SYNE1: variants seen among roughly 807,000 people sequenced by gnomAD.
SYNE1 encodes the protein spectrin repeat containing nuclear envelope protein 1.
SYNE1 carries 616 observed loss-of-function variants against 1,111.0 expected under a neutral mutation model. The observed-to-expected ratio is 0.55, with a 90% CI of 0.52 to 0.59. SYNE1 has a LOEUF of 0.59. Ranked by LOEUF, SYNE1 falls within the 20% of genes least tolerant of loss-of-function variation. SYNE1 has a pLI of 0.00. For synonymous variants in SYNE1, 3,855 were observed against 3,825.8 expected (o/e 1.01, Z -0.28); for missense variants, 10,006 against 10,417.0 (o/e 0.96, Z 1.72).
intron 43 of SYNE1, 160 bp from the exon 44 acceptor site, chr6:152,409,386 G>T: frequency 9.1e-7 from 1 of 1,095,282 alleles, no homozygotes; most frequent in Non-Finnish European, 1.3e-6. Context: ...CCATTTTCTT[G>T]AATTGCTAGA....
At chr6:152,600,595 G>T (rs2099593832) in intron 3 of SYNE1, among the ~76,000 whole-genome samples, 1 of 152,076 alleles carries the variant, frequency 6.6e-6, no homozygotes, top group Admixed American at 6.6e-5. Flanking sequence ...GAAACAAATG[G>T]ATCTGCTGAA....
At chr6:152,333,926 C>T in intron 77 of SYNE1, 82 bp downstream of exon 77, 2 of 1,595,048 alleles carry the variant, frequency 1.3e-6, no homozygotes, top group Non-Finnish European at 1.7e-6. Context: ...AGCCACTGCA[C>T]CTGGGCACAT....
intron 59 of SYNE1, among the ~76,000 whole-genome samples, chr6:152,371,529 G>A (rs1413448974): frequency 1.4e-5 from 2 of 147,758 alleles, no homozygotes; most frequent in Non-Finnish European, 3.0e-5. Flanking sequence ...CCACAAAACA[G>A]GGCAAATGGG....
rs1462419986 is a variant in SYNE1, at chr6:152,325,116, C to A, written c.15625G>T (p.Ala5209Ser). The change falls in exon 81 of 146, where the codon GCA becomes TCA. Residue 5209 changes from alanine (A) to serine (S), a missense_variant. Transcript: ENST00000367255. ...TTAAAGCCCGTCCACTCATCCACTG[C>A]ATCTTCCAGGATCTTCTCCTGGTCC... The part of the protein sequence containing the change: ...AQDQEKILED[A>S]VDEWTGFNNK... 2.5e-6 allele frequency: 4 copies of A among 1,614,218 alleles called. No homozygotes were observed. The East Asian group carries it at 8.9e-5, about 36-fold the overall frequency.
At chr6:152,567,905 C>T (rs2099419872) in intron 3 of SYNE1, among the ~76,000 whole-genome samples, 2 of 151,936 alleles carry the variant, frequency 1.3e-5, no homozygotes, top group South Asian at 4.2e-4. Context: ...AAGAACACAC[C>T]ATAGAATGCA....
chr6:152,555,805 A>G (rs942861544), intron 3 of SYNE1, among the ~76,000 whole-genome samples: 2 of 152,204 alleles, frequency 1.3e-5, no homozygotes, highest in Non-Finnish European at 2.9e-5. Flanking sequence ...GATATATTTT[A>G]TATAAAACTT....
At chr6:152,253,823 T>TTTG (rs1302222523) in intron 104 of SYNE1, among the ~76,000 whole-genome samples, 1 of 53,334 alleles carries the variant, frequency 1.9e-5, no homozygotes, top group African/African-American at 1.6e-4. Flanking sequence ...GTTTGGTTTT[T>TTTG]TTTTTTTTTT....
chr6:152,240,714 G>A (rs2085429082), intron 107 of SYNE1, among the ~76,000 whole-genome samples: 1 of 152,144 alleles, frequency 6.6e-6, no homozygotes, highest in Non-Finnish European at 1.5e-5. Flanking sequence ...ATAACTCTAT[G>A]AGATAGGCAG....
chr6:152,328,105 AC>A (rs1207840122), intron 78 of SYNE1, among the ~76,000 whole-genome samples: 2 of 152,168 alleles, frequency 1.3e-5, no homozygotes, highest in Non-Finnish European at 2.9e-5. Context: ...AAGAAGATAA[AC>A]CTAATAAAAG....
At chr6:152,591,692 G>A (rs1356269132) in intron 3 of SYNE1, among the ~76,000 whole-genome samples, 1 of 152,096 alleles carries the variant, frequency 6.6e-6, no homozygotes, top group African/African-American at 2.4e-5. Context: ...TTTCTGCACA[G>A]CAAAAGAATC....
chr6:152,178,371 G>A (rs2067012208), intron 129 of SYNE1, among the ~76,000 whole-genome samples: 2 of 152,056 alleles, frequency 1.3e-5, no homozygotes, highest in South Asian at 4.1e-4. Context: ...CTTAGCAAAG[G>A]GCAACCGTGA....
chr6:152,425,189 G>T (rs1371613247), intron 39 of SYNE1, among the ~76,000 whole-genome samples, 192 bp downstream of exon 39: 2 of 152,090 alleles, frequency 1.3e-5, no homozygotes, highest in African/African-American at 4.8e-5. Flanking sequence ...ACTAAATTTT[G>T]TATTGGGATT....
At position 152,278,377 on chromosome 6, in the gene SYNE1, G is replaced by A. The variant is rs550791265; in HGVS notation, c.18382-97C>T. On this transcript the variant is annotated intron_variant, in intron 97 of 145. Coordinates refer to ENST00000367255, the MANE Select transcript of SYNE1 (RefSeq NM_182961.4). ...AATACAGCCCTTTGGAGTCTTTTAC[G>A]AAACGGACAGGCTTTCATGATTTTT... 1.1e-5 allele frequency: 15 copies of A among 1,382,272 alleles called. No homozygotes were observed. The Admixed American group carries it at 1.3e-4, about 12-fold the overall frequency. 85.6% of individuals were successfully genotyped at this position (1,382,272 alleles called of 1,614,324 possible). A position where few individuals can be genotyped will look rare whatever the true frequency, so the allele number is the denominator to read the frequency against.
At chr6:152,491,320 CA>C (rs1326121623) in intron 11 of SYNE1, among the ~76,000 whole-genome samples, 2 of 152,078 alleles carry the variant, frequency 1.3e-5, no homozygotes, top group African/African-American at 2.4e-5. Flanking sequence ...CCCTTGGTGG[CA>C]AATCAATTGT....
Position 152,239,436 on chromosome 6 carries a change from T to C in SYNE1, c.20067+97A>G, listed in dbSNP as rs116413345. On this transcript the variant is annotated intron_variant, in intron 108 of 145. Coordinates refer to ENST00000367255, the MANE Select transcript of SYNE1 (RefSeq NM_182961.4). Reference sequence around the variant, plus strand: ...GAGAGCGCAGCTAGTTCTGAGGTTATGTGAGGCAAACTGCATGGATAGATA... The same window carrying C: ...GAGAGCGCAGCTAGTTCTGAGGTTACGTGAGGCAAACTGCATGGATAGATA... 3.1e-3 allele frequency: 4,577 copies of C among 1,477,350 alleles called. 101 individuals are homozygous for C. In the African/African-American group the frequency reaches 0.053, roughly 17 times the overall value. 91.5% of individuals were successfully genotyped at this position (1,477,350 alleles called of 1,614,324 possible).
At chr6:152,388,677 C>A (rs1481008537) in intron 53 of SYNE1, among the ~76,000 whole-genome samples, 1 of 152,128 alleles carries the variant, frequency 6.6e-6, no homozygotes, top group Non-Finnish European at 1.5e-5. Context: ...ACATCCTGTG[C>A]TGGTGTCTGA....
Position 152,321,719 on chromosome 6 carries a change from A to C in SYNE1, c.16083+2T>G. 6.2e-7 allele frequency: 1 copy of C among 1,614,042 alleles called. No individual in the cohort carries two copies. Among genetic ancestry groups the C allele is most frequent in the Non-Finnish European group, 8.5e-7 (1 of 1,179,940 alleles). ...AAAGAGAATGAGGAGACTTTTTTGTACCTGAAGTTCTTCAAGTTGAGCATC... is the reference window on the plus strand; with the variant it reads ...AAAGAGAATGAGGAGACTTTTTTGTCCCTGAAGTTCTTCAAGTTGAGCATC... On this transcript the variant is annotated splice_donor_variant, in intron 83 of 145. Coordinates refer to ENST00000367255, the MANE Select transcript of SYNE1 (RefSeq NM_182961.4). LOFTEE classifies it high-confidence loss of function.
intron 3 of SYNE1, among the ~76,000 whole-genome samples, chr6:152,563,075 CAGAAAG>C (rs1443342605): frequency 6.6e-6 from 1 of 151,870 alleles, no homozygotes; most frequent in Non-Finnish European, 1.5e-5. Flanking sequence ...CACACACACA[CAGAAAG>C]AGAAAGAGAC....
At chr6:152,308,691 G>T in intron 90 of SYNE1, 59 bp from the exon 91 acceptor site, 1 of 1,554,754 alleles carries the variant, frequency 6.4e-7, no homozygotes, top group Non-Finnish European at 8.7e-7. Flanking sequence ...CAATAACTAG[G>T]TAAGTGATTC....
Sources: allele counts gnomAD v4.1 joint callset (sites outside exome capture counted in the v4.1 genomes callset), GRCh38; gene constraint gnomAD v4.1.1; transcripts MANE v1.5; gene names NCBI Gene and HGNC (gene_info 2026-07-23, HGNC 2026-07-21).